VWC2: variants seen among roughly 807,000 people sequenced by gnomAD.
The protein encoded by VWC2 is von Willebrand factor C domain containing 2, also known as brorin.
A neutral mutation model predicts 29.8 loss-of-function variants in VWC2; 14 were observed. That is an observed-to-expected ratio of 0.47 (90% CI 0.31 to 0.74). The LOEUF is 0.74. Among genes scored for constraint, VWC2 ranks in the 30% least tolerant of loss-of-function variants. The pLI, the probability that VWC2 is intolerant of heterozygous loss-of-function variation, is 0.05. For synonymous variants in VWC2, 213 were observed against 199.0 expected, an observed-to-expected ratio of 1.07 and a Z score of -0.59; for missense variants, 457 against 459.8, an observed-to-expected ratio of 0.99 and a Z score of 0.05.
intron 3 of VWC2, among the ~76,000 whole-genome samples, chr7:49,830,352 G>A (rs1337225463): frequency 6.6e-6 from 1 of 152,140 alleles, no homozygotes; most frequent in Non-Finnish European, 1.5e-5. Context: ...TCTGTTGTCA[G>A]AAGTCTCTGG....
intron 3 of VWC2, among the ~76,000 whole-genome samples, chr7:49,911,616 G>GC (rs1793437416): frequency 6.6e-6 from 1 of 151,824 alleles, no homozygotes; most frequent in Admixed American, 6.6e-5. Flanking sequence ...TGTACCATTG[G>GC]CCGGGTGCAG....
At chr7:49,837,887 T>G (rs1398630500) in intron 3 of VWC2, among the ~76,000 whole-genome samples, 1 of 152,182 alleles carries the variant, frequency 6.6e-6, no homozygotes, top group Non-Finnish European at 1.5e-5. Context: ...AATCTTCCCA[T>G]TAGTCCTTAT....
chr7:49,850,789 C>T (rs1790144289), intron 3 of VWC2, among the ~76,000 whole-genome samples: 1 of 152,198 alleles, frequency 6.6e-6, no homozygotes, highest in African/African-American at 2.4e-5. Flanking sequence ...ATCATGGGTA[C>T]AGTGAGCTCC....
In VWC2 at chr7:49,774,010, C is replaced by A. The variant is rs928799073; in HGVS notation, c.-207C>A. The A allele has an allele frequency of 2.0e-5, 3 of 151,784 alleles. No individual in the cohort carries two copies. The highest frequency in any genetic ancestry group is 4.4e-5 in the Non-Finnish European group (3 of 67,934). 9.4% of individuals were successfully genotyped at this position (151,784 alleles called of 1,614,324 possible). On this transcript the variant is annotated 5_prime_UTR_variant, in exon 1 of 4. Transcript: ENST00000340652. ...TGTTAGTGGTCCGCCCCACGCGGGT[C>A]GCCGGCCGGCCCAGGATGGGCGCTG...
intron 2 of VWC2, among the ~76,000 whole-genome samples, chr7:49,785,947 T>C (rs564797): frequency 0.014 from 2,080 of 152,288 alleles, 54 homozygotes; most frequent in African/African-American, 0.048. Flanking sequence ...AAAACTTAAC[T>C]GTTTACTAAG....
intron 2 of VWC2, among the ~76,000 whole-genome samples, chr7:49,797,836 A>G (rs1562709179): frequency 6.6e-6 from 1 of 152,200 alleles, no homozygotes; most frequent in Non-Finnish European, 1.5e-5. Flanking sequence ...CTTTTCTCAA[A>G]TGCCCAACTG....
intron 3 of VWC2, among the ~76,000 whole-genome samples, chr7:49,852,360 C>T (rs1034420054): frequency 6.6e-6 from 1 of 152,196 alleles, no homozygotes; most frequent in Non-Finnish European, 1.5e-5. Context: ...AGAGGCCTGG[C>T]AGGCATGAGC....
intron 3 of VWC2, among the ~76,000 whole-genome samples, chr7:49,803,214 T>C (rs941854624): frequency 6.6e-6 from 1 of 152,222 alleles, no homozygotes; most frequent in African/African-American, 2.4e-5. Context: ...TGAATGAAAC[T>C]TGGAACATAA....
chr7:49,783,122 C>G (rs890349674), intron 2 of VWC2, among the ~76,000 whole-genome samples: 1 of 152,134 alleles, frequency 6.6e-6, no homozygotes, highest in African/African-American at 2.4e-5. Context: ...TAAAACATTA[C>G]CTCCTCAGAT....
intron 3 of VWC2, among the ~76,000 whole-genome samples, chr7:49,836,128 G>A (rs1020771544): frequency 2.0e-5 from 3 of 152,138 alleles, no homozygotes; most frequent in African/African-American, 7.2e-5. Flanking sequence ...TATTCCATAT[G>A]GCATCACATC....
intron 2 of VWC2, among the ~76,000 whole-genome samples, chr7:49,788,295 C>T (rs753839577): frequency 7.9e-5 from 12 of 152,142 alleles, no homozygotes; most frequent in East Asian, 1.9e-4. Context: ...GTTGGGGGTG[C>T]GAGCAGGGCT....
At chr7:49,819,302 G>T (rs1312294093) in intron 3 of VWC2, among the ~76,000 whole-genome samples, 1 of 152,190 alleles carries the variant, frequency 6.6e-6, no homozygotes, top group Non-Finnish European at 1.5e-5. Flanking sequence ...GCTTCACAAG[G>T]TCTCAGCTTT....
intron 2 of VWC2, among the ~76,000 whole-genome samples, chr7:49,782,872 G>GA (rs71839157): frequency 0.02 from 3,002 of 151,502 alleles, 106 homozygotes; most frequent in African/African-American, 0.069. Flanking sequence ...GAAAAGAAAA[G>GA]AAAAAAAAGT....
chr7:49,909,308 C>T (rs1357505313), intron 3 of VWC2, among the ~76,000 whole-genome samples: 1 of 151,948 alleles, frequency 6.6e-6, no homozygotes, highest in Admixed American at 6.6e-5. Flanking sequence ...AAATTTACCT[C>T]TGCAAAAAAA....
chr7:49,898,601 A>C (rs1353898986), intron 3 of VWC2, among the ~76,000 whole-genome samples: 1 of 152,124 alleles, frequency 6.6e-6, no homozygotes, highest in Non-Finnish European at 1.5e-5. Context: ...TATCATAAGC[A>C]TACACACACA....
intron 3 of VWC2, among the ~76,000 whole-genome samples, chr7:49,845,526 G>T (rs1789919249): frequency 6.6e-6 from 1 of 152,218 alleles, no homozygotes. Context: ...ATATCTGAGA[G>T]AGAGAGGCAG....
chr7:49,897,543 A>C (rs1792451384), intron 3 of VWC2, among the ~76,000 whole-genome samples: 1 of 152,210 alleles, frequency 6.6e-6, no homozygotes, highest in Non-Finnish European at 1.5e-5. Context: ...TGGAAGTTGC[A>C]ACTCTATCCT....
intron 2 of VWC2, among the ~76,000 whole-genome samples, chr7:49,802,014 G>T (rs1022923168): frequency 6.6e-6 from 1 of 152,200 alleles, no homozygotes; most frequent in Non-Finnish European, 1.5e-5. Flanking sequence ...ACTTGACAGG[G>T]TTATAGACAA....
Position 49,919,788 on chromosome 7 carries a change from T to A in VWC2, c.*7603T>A, listed in dbSNP as rs1793931261. 1 of 152,334 alleles carries A rather than the reference T, an allele frequency of 6.6e-6. No individual in the cohort carries two copies. The allele number at this position is 152,334 out of a possible 1,614,324, so 9.4% of individuals were successfully genotyped here. A position where few individuals can be genotyped will look rare whatever the true frequency, so the allele number is the denominator to read the frequency against. On this transcript the variant is annotated 3_prime_UTR_variant, in exon 4 of 4. Coordinates refer to ENST00000340652, the MANE Select transcript of VWC2 (RefSeq NM_198570.5). ...TCAGCTGCCACCGGCCAGGTCTATC[T>A]ATTGCTCCCACCTGCTCTGACTGTT... is the stretch of plus-strand genomic sequence containing the variant.
Sources: gnomAD v4.1 joint callset for allele counts (sites outside exome capture counted in the v4.1 genomes callset) on GRCh38, gnomAD v4.1.1 for gene constraint, MANE v1.5 for transcripts, NCBI Gene and HGNC (gene_info 2026-07-23, HGNC 2026-07-21) for gene names.